The following GCKR variants were observed in gnomAD, a reference collection of about 807,000 sequenced individuals.
GCKR encodes the protein glucokinase regulatory protein.
A neutral mutation model predicts 82.9 loss-of-function variants in GCKR; 73 were observed. The observed-to-expected ratio is 0.88, with a 90% CI of 0.73 to 1.07. The LOEUF (loss-of-function observed/expected upper bound fraction) is 1.07, where lower values mean the gene tolerates loss of function less well. Ranked by LOEUF, GCKR falls within the 50% of genes least tolerant of loss-of-function variation. GCKR has a pLI of 0.00. For synonymous variants in GCKR, 294 were observed against 291.8 expected (o/e 1.01, Z -0.08); for missense variants, 784 against 782.1 (o/e 1.00, Z -0.03).
intron 12 of GCKR, 124 bp downstream of exon 12, chr2:27,507,009 A>G (rs1357788887): frequency 3.8e-6 from 3 of 791,772 alleles, no homozygotes; most frequent in Admixed American, 1.8e-5. Flanking sequence ...CCCTATCTAA[A>G]TAGGCACTTC....
rs1258770777 is a variant in GCKR at position 27,499,413 on chromosome 2, A to C, written c.512A>C (p.Lys171Thr). Residue 171 changes from lysine to threonine, a missense_variant, in exon 7 of 19, where the codon AAG (lysine) becomes ACG (threonine). Transcript: ENST00000264717. ...CTCTCCTAGGTGGCTGCCGGGAAGAAGAGAGTGATTGTCATTGGCATTTCT... is the reference window on the plus strand; with the variant it reads ...CTCTCCTAGGTGGCTGCCGGGAAGACGAGAGTGATTGTCATTGGCATTTCT... ...EELKKVAAGK[K>T]RVIVIGISVG... The C allele has an allele frequency of 6.2e-7, 1 of 1,612,866 alleles. No individual in the cohort carries two copies. The highest frequency in any genetic ancestry group is 8.5e-7 in the Non-Finnish European group (1 of 1,178,800).
intron 18 of GCKR, 129 bp downstream of exon 18, chr2:27,522,723 G>T: frequency 1.2e-6 from 1 of 804,820 alleles, no homozygotes; most frequent in South Asian, 1.4e-5. Flanking sequence ...ACATTCATGG[G>T]GTCTTTGGAC....
Position 27,505,807 on chromosome 2 carries a change from T to C in GCKR, c.840T>C (p.Thr280=). 1.3e-6 allele frequency: 2 copies of C among 1,595,636 alleles called. No homozygotes were observed. The highest frequency in any genetic ancestry group is 1.7e-6 in the Non-Finnish European group (2 of 1,163,138). The change falls in exon 10 of 19, where the codon ACT becomes ACC. Residue 280 remains threonine (T), a synonymous_variant. Transcript: ENST00000264717. ...CCCTGTTATTAGCAGCCCATAAGAC[T>C]GTGGACCAGGGCATTGCAGCATCTC... is the stretch of plus-strand genomic sequence containing the variant. ...LETLLLAAHK[T]VDQGIAASQR... is the part of the protein sequence containing the mutation.
Position 27,506,616 on chromosome 2 carries a change from C to T in GCKR, c.968+37C>T, listed in dbSNP as rs8179215. The T allele has an allele frequency of 2.3e-4, 321 of 1,373,038 alleles. 2 individuals carry two copies. The East Asian group carries it at 5.9e-3, about 25-fold the overall frequency. The allele number at this position is 1,373,038 out of a possible 1,614,324, so 85.1% of individuals were successfully genotyped here. Reference sequence around the variant, plus strand: ...TGTGTTTAGAGGTGAGGATGTGGCCCGGATGGAGAATACTGAGAGCAGGGA... The same window carrying T: ...TGTGTTTAGAGGTGAGGATGTGGCCTGGATGGAGAATACTGAGAGCAGGGA... On this transcript the variant is annotated intron_variant, in intron 11 of 18. Coordinates refer to ENST00000264717, the MANE Select transcript of GCKR (RefSeq NM_001486.4).
Position 27,507,726 on chromosome 2 carries a change from C to T in GCKR, c.1189C>T (p.Leu397Phe). ...FSQEDFLTSI[L>F]PSLTEIDTVV... ...CCAGGAGGACTTCCTGACTTCCATCCTTCCCTCTCTCACGGAAATCGATAC... is the reference window on the plus strand; with the variant it reads ...CCAGGAGGACTTCCTGACTTCCATCTTTCCCTCTCTCACGGAAATCGATAC... The change falls in exon 14 of 19, where the codon CTT (leucine) becomes TTT (phenylalanine). Residue 397 changes from leucine (L) to phenylalanine (F), a missense_variant. Physicochemically the swap from Leu to Phe is conservative, Grantham distance 22. Coordinates refer to ENST00000264717, the MANE Select transcript of GCKR (RefSeq NM_001486.4). 2 of 1,610,304 alleles carry T rather than the reference C, an allele frequency of 1.2e-6. No individual in the cohort carries two copies. The highest frequency in any genetic ancestry group is 2.2e-5 in the South Asian group (2 of 91,006).
chr2:27,514,298 T>C (rs966593387), intron 16 of GCKR, among the ~76,000 whole-genome samples: 7 of 152,160 alleles, frequency 4.6e-5, no homozygotes, highest in African/African-American at 1.7e-4. Context: ...TACATCTATA[T>C]AAATACTGTA....
chr2:27,515,763 A>AT (rs1399701881), intron 16 of GCKR, among the ~76,000 whole-genome samples: 21 of 127,074 alleles, frequency 1.7e-4, no homozygotes, highest in Admixed American at 8.0e-4. Context: ...ATATATATAT[A>AT]TATTTTTTTT....
intron 9 of GCKR, among the ~76,000 whole-genome samples, chr2:27,505,125 CAAAAAAAAAAAA>C (rs146563052): frequency 7.9e-5 from 2 of 25,442 alleles, no homozygotes; most frequent in East Asian, 1.4e-3. Flanking sequence ...GACTCCATCT[CAAAAAAAAAAAA>C]AAAAAAAAAA....
chr2:27,498,994 T>C (rs776639343), intron 5 of GCKR, 148 bp from the exon 6 acceptor site: 7 of 723,748 alleles, frequency 9.7e-6, no homozygotes, highest in African/African-American at 1.7e-5. Flanking sequence ...TTCAACTCTA[T>C]GGAGTGTCTA....
Position 27,513,626 on chromosome 2 carries a change from A to G in GCKR, c.1423-5162A>G, listed in dbSNP as rs1200168281. On this transcript the variant is annotated intron_variant, in intron 16 of 18. Transcript: ENST00000264717. The stretch of plus-strand genomic sequence containing the variant: ...TTTTAGTGTCAATATGGACTCATGA[A>G]TTTTTTGTTGTTGTTAAATGTGTTT... Among the ~76,000 whole-genome samples, 3 of 151,696 alleles carry G rather than the reference A, an allele frequency of 2.0e-5. No individual in the cohort carries two copies. In the East Asian group the frequency reaches 5.8e-4, roughly 29 times the overall value.
intron 16 of GCKR, among the ~76,000 whole-genome samples, chr2:27,512,160 A>G (rs1669899007): frequency 6.9e-6 from 1 of 144,698 alleles, no homozygotes; most frequent in Admixed American, 7.4e-5. Flanking sequence ...AATCGCTTGA[A>G]CCTGGGAGGC....
chr2:27,498,415 G>A (rs1558433070), intron 4 of GCKR, 92 bp downstream of exon 4: 3 of 976,376 alleles, frequency 3.1e-6, no homozygotes, highest in Non-Finnish European at 4.9e-6. Context: ...CTCCCAGGTG[G>A]CCCCCTCACT....
In GCKR at chr2:27,515,846, C is replaced by T. The variant is rs569074375; in HGVS notation, c.1423-2942C>T. On this transcript the variant is annotated intron_variant, in intron 16 of 18. Coordinates refer to ENST00000264717, the MANE Select transcript of GCKR (RefSeq NM_001486.4). ...TGATGTGATCAGATTTCACTGCAAC[C>T]TCAAACTCCTGGGCTGAAGCAATCA... Among the ~76,000 whole-genome samples, 31 of 149,874 alleles carry T rather than the reference C, an allele frequency of 2.1e-4. No homozygotes were observed. In the South Asian group the frequency reaches 5.1e-3, roughly 24 times the overall value.
At chr2:27,505,403 CAA>C (rs200176153) in intron 9 of GCKR, among the ~76,000 whole-genome samples, 14 of 54,486 alleles carry the variant, frequency 2.6e-4, no homozygotes, top group Middle Eastern at 8.1e-3. Context: ...GACTCCATCT[CAA>C]AAAAAAAAAA....
Position 27,498,909 on chromosome 2 carries a change from A to G in GCKR, c.428+112A>G, listed in dbSNP as rs907923201. ...TGTCTGGCTTGTCTTAGTCCTCACC[A>G]TTCCTTATTCCCTCACACTTGGCCC... On this transcript the variant is annotated intron_variant, in intron 5 of 18. Coordinates refer to ENST00000264717, the MANE Select transcript of GCKR (RefSeq NM_001486.4). 2.0e-5 allele frequency: 15 copies of G among 764,952 alleles called. No individual in the cohort carries two copies. In the Admixed American group the frequency reaches 2.7e-4, roughly 14 times the overall value. 47.4% of individuals were successfully genotyped at this position (764,952 alleles called of 1,614,324 possible).
Position 27,497,307 on chromosome 2 carries a change from G to C in GCKR, c.124G>C (p.Asp42His). The change falls in exon 2 of 19, where the codon GAC (aspartate) becomes CAC (histidine). Residue 42 changes from aspartate (D) to histidine (H), a missense_variant. By Grantham distance (81) the Asp-to-His change is moderately conservative (BLOSUM62 -1). Coordinates refer to ENST00000264717, the MANE Select transcript of GCKR (RefSeq NM_001486.4). ...GTCAAACCCACTGACCCAGGATCTA[G>C]ACAAAGCAGATGCTGAGAACATTGT... Reference protein sequence around the residue: ...EKSNPLTQDLDKADAENIVRL... With the variant: ...EKSNPLTQDLHKADAENIVRL... The C allele has an allele frequency of 6.2e-7, 1 of 1,614,138 alleles. No homozygotes were observed. Among genetic ancestry groups the C allele is most frequent in the Non-Finnish European group, 8.5e-7 (1 of 1,179,974 alleles).
chr2:27,505,982 A>C, intron 10 of GCKR, 146 bp downstream of exon 10: 1 of 733,046 alleles, frequency 1.4e-6, no homozygotes, highest in African/African-American at 1.7e-5. Flanking sequence ...GGAGCTGGGT[A>C]GTACATGCTG....
At chr2:27,521,006 T>G (rs1161322708) in intron 17 of GCKR, among the ~76,000 whole-genome samples, 1 of 151,972 alleles carries the variant, frequency 6.6e-6, no homozygotes, top group African/African-American at 2.4e-5. Flanking sequence ...ATAGTGCCAC[T>G]GCACTCCAGC....
rs146727286 is a variant in GCKR, at chr2:27,512,999, G to A, written c.1422+4748G>A. ...TGTGCCCTTATCAGTGTATCACATC[G>A]GGAGGTACCTGATGTCAGTTTGCCC... On this transcript the variant is annotated intron_variant, in intron 16 of 18. Coordinates refer to ENST00000264717, the MANE Select transcript of GCKR (RefSeq NM_001486.4). Among the ~76,000 whole-genome samples the A allele has an allele frequency of 9.2e-5, 14 of 152,178 alleles. No homozygotes were observed. The East Asian group carries it at 2.7e-3, about 29-fold the overall frequency.
Sources: gnomAD v4.1 joint callset for allele counts (sites outside exome capture counted in the v4.1 genomes callset) on GRCh38, gnomAD v4.1.1 for gene constraint, MANE v1.5 for transcripts, NCBI Gene and HGNC (gene_info 2026-07-23, HGNC 2026-07-21) for gene names.